Variants in GRM7 observed in about 807,000 individuals in gnomAD.
The protein encoded by GRM7 is glutamate metabotropic receptor 7.
GRM7 carries 35 observed loss-of-function variants against 84.5 expected under a neutral mutation model. The observed-to-expected ratio is 0.41, with a 90% confidence interval of 0.32 to 0.55. The LOEUF (loss-of-function observed/expected upper bound fraction) is 0.55. Among genes scored for constraint, GRM7 ranks in the 20% least tolerant of loss-of-function variants. The pLI, the probability that GRM7 is intolerant of heterozygous loss-of-function variation, is 0.19. For missense variants in GRM7, 1,003 were observed against 1,194.6 expected (o/e 0.84, Z 2.36); for synonymous variants, 487 against 455.1 (o/e 1.07, Z -0.89).
rs34344224 is a variant in GRM7 at position 7,707,930 on chromosome 3, A to ATTT, written c.2698+27657_2698+27659dup. 3.6e-3 allele frequency among the ~76,000 whole-genome samples: 439 copies of ATTT among 123,652 alleles called. 4 individuals carry two copies. Among genetic ancestry groups the ATTT allele is most frequent in the African/African-American group, 0.012 (387 of 32,976 alleles). The allele number at this position is 123,652 out of a possible 152,430, so 81.1% of individuals were successfully genotyped here. The stretch of plus-strand genomic sequence containing the variant: ...AGAACATATTGCTGTGAAGCTTTCA[A>ATTT]TTTTTTTTTTTTTTTTTTTTTTTTA... On this transcript the variant is annotated intron_variant, in intron 9 of 9. Coordinates refer to ENST00000357716, the MANE Select transcript of GRM7 (RefSeq NM_000844.4).
chr3:7,630,614 A>C (rs1697822984), intron 8 of GRM7, among the ~76,000 whole-genome samples: 1 of 152,210 alleles, frequency 6.6e-6, no homozygotes, highest in African/African-American at 2.4e-5. Flanking sequence ...CTGAGGACCC[A>C]TTAGAAGGTG....
rs1350706057 is a variant in GRM7, at chr3:7,486,368, A to G, written c.1515+24646A>G. ...TATGATTTGAATATGACTTGTCCTC[A>G]GCAAAACTGAGGACAAGTTTTGCTG... is the stretch of plus-strand genomic sequence containing the variant. On this transcript the variant is annotated intron_variant, in intron 7 of 9. Transcript: ENST00000357716. The surrounding 1 kb of genome is among the most constrained non-coding windows in gnomAD (Gnocchi z 5.5). 6.6e-6 allele frequency among the ~76,000 whole-genome samples: 1 copy of G among 152,144 alleles called. No individual in the cohort carries two copies. The highest frequency in any genetic ancestry group is 1.5e-5 in the Non-Finnish European group (1 of 68,030).
chr3:7,311,034 T>A (rs971990096), intron 4 of GRM7, among the ~76,000 whole-genome samples: 1 of 152,182 alleles, frequency 6.6e-6, no homozygotes, highest in African/African-American at 2.4e-5. Context: ...CTGTCACATA[T>A]AATTAGTTAT....
At chr3:7,266,706 A>AT (rs1235143031) in intron 2 of GRM7, among the ~76,000 whole-genome samples, 5 of 152,168 alleles carry the variant, frequency 3.3e-5, no homozygotes, top group Non-Finnish European at 5.9e-5. Context: ...AAAAACATTT[A>AT]TTTTATGGCA....
At chr3:7,673,590 C>T (rs954863141) in intron 8 of GRM7, among the ~76,000 whole-genome samples, 1 of 150,852 alleles carries the variant, frequency 6.6e-6, no homozygotes, top group African/African-American at 2.4e-5. Flanking sequence ...AGCTAAGAAA[C>T]CCATGAATAC....
chr3:7,171,502 A>G (rs1252784818), intron 2 of GRM7, among the ~76,000 whole-genome samples: 1 of 152,172 alleles, frequency 6.6e-6, no homozygotes, highest in Non-Finnish European at 1.5e-5. Flanking sequence ...TTATGGCACC[A>G]CACACTTCCA....
chr3:7,401,133 A>T (rs908806247), intron 4 of GRM7, among the ~76,000 whole-genome samples: 1 of 152,076 alleles, frequency 6.6e-6, no homozygotes, highest in African/African-American at 2.4e-5. Flanking sequence ...TAATTGCTCT[A>T]TTATGCCATT....
chr3:7,582,847 A>G (rs897496770), intron 8 of GRM7, among the ~76,000 whole-genome samples: 1 of 152,134 alleles, frequency 6.6e-6, no homozygotes, highest in African/African-American at 2.4e-5. Flanking sequence ...CCCCAACCCT[A>G]TAATCCCATA....
At chr3:7,369,117 C>T (rs75328642) in intron 4 of GRM7, among the ~76,000 whole-genome samples, 5,763 of 152,136 alleles carry the variant, frequency 0.038, 347 homozygotes, top group African/African-American at 0.13. Context: ...TATGGTGGCA[C>T]GATCATAGTT....
intron 4 of GRM7, among the ~76,000 whole-genome samples, chr3:7,316,782 G>A (rs1700598023): frequency 1.3e-5 from 2 of 152,070 alleles, no homozygotes; most frequent in Non-Finnish European, 2.9e-5. Context: ...AATTAAGTAA[G>A]CAACCGGATA....
intron 8 of GRM7, among the ~76,000 whole-genome samples, chr3:7,671,222 A>G (rs1291347158): frequency 6.6e-6 from 1 of 152,168 alleles, no homozygotes. Context: ...CAGCAAAATC[A>G]GTAGTGACTT....
intron 1 of GRM7, among the ~76,000 whole-genome samples, chr3:7,001,343 C>T (rs761810949): frequency 1.3e-5 from 2 of 152,020 alleles, no homozygotes; most frequent in African/African-American, 4.8e-5. Flanking sequence ...GAGTGAGACC[C>T]TGTCTCCAAA....
chr3:7,283,023 T>TGAA (rs1559551368), intron 2 of GRM7, among the ~76,000 whole-genome samples: 3 of 152,318 alleles, frequency 2.0e-5, no homozygotes, highest in African/African-American at 7.2e-5. Flanking sequence ...ATTACTCTTC[T>TGAA]ATTTCAGTTC....
chr3:7,662,660 G>A (rs114786954), intron 8 of GRM7, among the ~76,000 whole-genome samples: 1,998 of 151,836 alleles, frequency 0.013, 46 homozygotes, highest in African/African-American at 0.045. Flanking sequence ...AATAAAGTGC[G>A]AAGTATTATA....
chr3:7,499,965 G>T (rs1254502810), intron 7 of GRM7, among the ~76,000 whole-genome samples: 1 of 151,970 alleles, frequency 6.6e-6, no homozygotes, highest in Non-Finnish European at 1.5e-5. Flanking sequence ...TAGTGGAGAC[G>T]GGGTTTCACC....
intron 4 of GRM7, among the ~76,000 whole-genome samples, chr3:7,343,942 G>T (rs1024554593): frequency 6.6e-6 from 1 of 152,156 alleles, no homozygotes; most frequent in Non-Finnish European, 1.5e-5. Context: ...TTTGGTGCCT[G>T]GATGTAGCGG....
chr3:7,556,372 A>G (rs970949686), intron 7 of GRM7, among the ~76,000 whole-genome samples: 2 of 151,950 alleles, frequency 1.3e-5, no homozygotes, highest in African/African-American at 4.8e-5. Context: ...CATCATTTTC[A>G]CCTCTGTAAA....
At chr3:6,971,796 G>GAAAGTCAC (rs1693768125) in intron 1 of GRM7, among the ~76,000 whole-genome samples, 1 of 152,102 alleles carries the variant, frequency 6.6e-6, no homozygotes, top group Non-Finnish European at 1.5e-5. Flanking sequence ...TAGTGATGGA[G>GAAAGTCAC]AAAGTCACAT....
chr3:7,712,554 TTAA>T (rs1230937639), intron 9 of GRM7, among the ~76,000 whole-genome samples: 1 of 152,146 alleles, frequency 6.6e-6, no homozygotes, highest in Non-Finnish European at 1.5e-5. Flanking sequence ...ACCTTTTCAC[TTAA>T]TAACAGGCCC....
Sources: gnomAD v4.1 joint callset for allele counts (sites outside exome capture counted in the v4.1 genomes callset) on GRCh38, gnomAD v4.1.1 for gene constraint, Gnocchi (gnomAD v3.1) non-coding constraint, MANE v1.5 for transcripts, NCBI Gene and HGNC (gene_info 2026-07-23, HGNC 2026-07-21) for gene names.